NFKBIZ: variants seen among roughly 807,000 people sequenced by gnomAD.
The protein encoded by NFKBIZ is NF-kappa-B inhibitor zeta.
A neutral mutation model predicts 76.8 loss-of-function variants in NFKBIZ; 19 were observed. That is an observed-to-expected ratio of 0.25 (90% CI 0.17 to 0.36). The LOEUF is 0.36. Ranked by LOEUF, NFKBIZ falls within the 10% of genes least tolerant of loss-of-function variation. The pLI, the probability that NFKBIZ is intolerant of heterozygous loss-of-function variation, is 1.00. For synonymous variants in NFKBIZ, 368 were observed against 354.8 expected (o/e 1.04, Z -0.42); for missense variants, 829 against 910.9 (o/e 0.91, Z 1.16).
At chr3:101,846,849 C>G (rs1037423793), upstream of NFKBIZ, among the ~76,000 whole-genome samples, 1 of 152,162 alleles carries the variant, frequency 6.6e-6, no homozygotes, top group Non-Finnish European at 1.5e-5. Flanking sequence ...TGCAGGCCAA[C>G]AAGTCCCACC....
At chr3:101,847,740 G>C (rs1014843558), upstream of NFKBIZ, among the ~76,000 whole-genome samples, 10 of 152,196 alleles carry the variant, frequency 6.6e-5, no homozygotes, top group Non-Finnish European at 1.3e-4. Flanking sequence ...ATTGTACATG[G>C]AGTTCATTAT....
chr3:101,857,932 A>C (rs887963981), intron 11 of NFKBIZ: 2 of 860,964 alleles, frequency 2.3e-6, no homozygotes, highest in Non-Finnish European at 2.8e-6. Context: ...ATGAAGTGAT[A>C]CTGAACAAAA....
At chr3:101,859,242 A>G in intron 11 of NFKBIZ, 76 bp from the exon 12 acceptor site, 1 of 1,119,296 alleles carries the variant, frequency 8.9e-7, no homozygotes. Flanking sequence ...ATAAGAAAGG[A>G]ATGAAACTCA....
Position 101,853,245 on chromosome 3 carries a change from T to C in NFKBIZ, c.719T>C (p.Leu240Pro), listed in dbSNP as rs767944446. Residue 240 changes from leucine (L) to proline (P), a missense_variant, in exon 5 of 12, where the codon CTG (leucine) becomes CCG (proline). This residue lies in a region of NFKBIZ where 371 missense variants were observed against 332.3 expected (regional missense o/e 1.12). Coordinates refer to ENST00000326172, the MANE Select transcript of NFKBIZ (RefSeq NM_031419.4). ...CTGAACACAGTTCAAGTTAGCTGGC[T>C]GAACCCCGTGGTGGTCCCTCAGAGC... ...VSLNTVQVSWLNPVVVPQSSP... is the reference protein window; with the variant it reads ...VSLNTVQVSWPNPVVVPQSSP... The C allele has an allele frequency of 3.7e-6, 6 of 1,614,066 alleles. No homozygotes were observed. Among genetic ancestry groups the C allele is most frequent in the Non-Finnish European group, 5.1e-6 (6 of 1,180,042 alleles).
At position 101,857,275 on chromosome 3, in the gene NFKBIZ, C is replaced by T; in HGVS notation, c.1936-17C>T. 1 of 1,613,862 alleles carries T rather than the reference C, an allele frequency of 6.2e-7. No homozygotes were observed. On this transcript the variant is annotated splice_polypyrimidine_tract_variant and intron_variant, in intron 10 of 11. Transcript: ENST00000326172. ...TCCCCCTTCCTGATGTCTGATAATTCATTTCTTTGTCTTCAGGCTTACAAT... is the reference window on the plus strand; with the variant it reads ...TCCCCCTTCCTGATGTCTGATAATTTATTTCTTTGTCTTCAGGCTTACAAT...
intron 2 of NFKBIZ, among the ~76,000 whole-genome samples, chr3:101,838,484 T>G (rs954517518): frequency 6.6e-6 from 1 of 152,140 alleles, no homozygotes; most frequent in African/African-American, 2.4e-5. Flanking sequence ...TAGTAAAAAT[T>G]TTAGGTTTTG....
At chr3:101,847,505 G>C (rs1942868481), upstream of NFKBIZ, among the ~76,000 whole-genome samples, 1 of 152,214 alleles carries the variant, frequency 6.6e-6, no homozygotes, top group Non-Finnish European at 1.5e-5. Flanking sequence ...TTTTGTCGTT[G>C]TTTGAACATT....
chr3:101,851,503 C>T (rs909301040), intron 1 of NFKBIZ, among the ~76,000 whole-genome samples: 13 of 152,150 alleles, frequency 8.5e-5, no homozygotes, highest in African/African-American at 3.1e-4. Context: ...AAATCTAAGA[C>T]GTTGTTAATT....
In NFKBIZ at chr3:101,852,997, T is replaced by C. The variant is rs1175833514; in HGVS notation, c.564+8T>C. The C allele has an allele frequency of 1.2e-6, 2 of 1,613,898 alleles. No homozygotes were observed. The highest frequency in any genetic ancestry group is 3.3e-5 in the Admixed American group (2 of 60,010). On this transcript the variant is annotated splice_region_variant and intron_variant, in intron 4 of 11. Coordinates refer to ENST00000326172, the MANE Select transcript of NFKBIZ (RefSeq NM_031419.4). ...TTGCATTCCCAATTTTTGGTAAGTA[T>C]CTCACCATTTTCCTCTGACTATCCT...
In NFKBIZ at chr3:101,849,796, C is replaced by A. The variant is rs750193192; in HGVS notation, c.168C>A (p.Gly56=). ...GACDASCSVL[G]PSAPGSPGSD... is the part of the protein sequence containing the mutation. The stretch of plus-strand genomic sequence containing the variant: ...GCGACGCCAGCTGCTCGGTCTTGGG[C>A]CCCTCGGCGCCCGGCTCGCCCGGCT... Residue 56 remains glycine, a synonymous_variant, in exon 1 of 12, where the codon GGC becomes GGA. Transcript: ENST00000326172. The A allele has an allele frequency of 2.0e-6, 3 of 1,470,466 alleles. No individual in the cohort carries two copies. The highest frequency in any genetic ancestry group is 2.5e-5 in the Admixed American group (1 of 40,556). 91.1% of individuals were successfully genotyped at this position (1,470,466 alleles called of 1,614,324 possible).
Position 101,857,064 on chromosome 3 carries a change from T to A in NFKBIZ, c.1825-9T>A. The A allele has an allele frequency of 1.3e-6, 2 of 1,589,618 alleles. No homozygotes were observed. Among genetic ancestry groups the A allele is most frequent in the Non-Finnish European group, 1.7e-6 (2 of 1,162,590 alleles). ...TTTTTTTTTTTTCCTCCCTCTTGCC[T>A]TTGACAAGGATCGCAAAAGTGGCCG... On this transcript the variant is annotated splice_polypyrimidine_tract_variant and intron_variant, in intron 9 of 11. Transcript: ENST00000326172.
chr3:101,835,056 A>C (rs1355573905), intron 2 of NFKBIZ, among the ~76,000 whole-genome samples: 1 of 152,256 alleles, frequency 6.6e-6, no homozygotes, highest in Non-Finnish European at 1.5e-5. Context: ...AATTATAACT[A>C]CCATCATTGA....
At chr3:101,855,653 T>C in intron 8 of NFKBIZ, 80 bp from the exon 9 acceptor site, 1 of 1,441,554 alleles carries the variant, frequency 6.9e-7, no homozygotes, top group South Asian at 1.4e-5. Flanking sequence ...TTAGAGGCCA[T>C]CCTCAGCATT....
chr3:101,849,430 C>T (rs1560086327), upstream of NFKBIZ: 3 of 387,234 alleles, frequency 7.7e-6, no homozygotes, highest in Non-Finnish European at 1.3e-5. Flanking sequence ...GCGGCCCGGG[C>T]ACCGCCAATG....
chr3:101,838,538 T>G (rs1231779197), intron 2 of NFKBIZ, among the ~76,000 whole-genome samples: 1 of 152,240 alleles, frequency 6.6e-6, no homozygotes, highest in East Asian at 1.9e-4. Context: ...GGCACTTATA[T>G]AAACATTTAA....
intron 2 of NFKBIZ, among the ~76,000 whole-genome samples, chr3:101,831,692 G>A (rs1315765867): frequency 1.3e-5 from 2 of 150,914 alleles, no homozygotes; most frequent in Non-Finnish European, 2.9e-5. Flanking sequence ...CATGGTTGGA[G>A]TGCAGTAGCC....
Position 101,852,047 on chromosome 3 carries a change from T to C in NFKBIZ, c.290-38T>C, listed in dbSNP as rs775777488. 2.5e-6 allele frequency: 4 copies of C among 1,601,680 alleles called. No individual in the cohort carries two copies. The South Asian group carries it at 4.5e-5, about 18-fold the overall frequency. On this transcript the variant is annotated intron_variant, in intron 1 of 11. Coordinates refer to ENST00000326172, the MANE Select transcript of NFKBIZ (RefSeq NM_031419.4). ...TTATTAACGTTTATGTCTGTGAAGA[T>C]ATTTAACCAGGAATATGTTTTGTTT...
At chr3:101,830,068 T>G (rs1273156514) in intron 2 of NFKBIZ, among the ~76,000 whole-genome samples, 2 of 152,194 alleles carry the variant, frequency 1.3e-5, no homozygotes, top group African/African-American at 4.8e-5. Flanking sequence ...CTCTCAGTTT[T>G]GGTGAAGAGG....
chr3:101,843,993 T>C (rs1942818684), intron 2 of NFKBIZ, among the ~76,000 whole-genome samples: 1 of 152,254 alleles, frequency 6.6e-6, no homozygotes, highest in African/African-American at 2.4e-5. Context: ...CAACAAATAC[T>C]GTTATTTTCC....
Sources: gnomAD v4.1 joint callset for allele counts (sites outside exome capture counted in the v4.1 genomes callset) on GRCh38, gnomAD v4.1.1 for gene constraint, gnomAD v4.1.1 regional missense constraint, MANE v1.5 for transcripts, NCBI Gene and HGNC (gene_info 2026-07-23, HGNC 2026-07-21) for gene names.